Variants in DENND1A observed in about 807,000 individuals in gnomAD.
DENND1A encodes DENN domain containing 1A.
In DENND1A, 51 loss-of-function variants were observed where a neutral mutation model predicts 113.7. The ratio of observed to expected loss-of-function variants is 0.45; its 90% CI spans 0.36 to 0.57. DENND1A has a LOEUF of 0.57. DENND1A is among the 20% of genes least tolerant of loss of function. The pLI is 0.00. For missense variants in DENND1A, 1,258 were observed against 1,395.9 expected (o/e 0.90, Z 1.57); for synonymous variants, 565 against 570.8 (o/e 0.99, Z 0.14).
intron 5 of DENND1A, among the ~76,000 whole-genome samples, chr9:123,698,564 T>A (rs940658712): frequency 6.6e-6 from 1 of 152,232 alleles, no homozygotes; most frequent in Admixed American, 6.5e-5. Flanking sequence ...ACCAACATTA[T>A]ATAATTTCAT....
chr9:123,621,831 G>A (rs530075906), intron 10 of DENND1A, among the ~76,000 whole-genome samples: 5 of 152,326 alleles, frequency 3.3e-5, no homozygotes, highest in South Asian at 2.1e-4. Flanking sequence ...TGGAATCGAC[G>A]CAGATCTGAT....
intron 13 of DENND1A, among the ~76,000 whole-genome samples, chr9:123,465,787 T>C (rs925322464): frequency 6.6e-6 from 1 of 152,206 alleles, no homozygotes; most frequent in African/African-American, 2.4e-5. Flanking sequence ...AAATGTACTA[T>C]TTAATGTCAT....
chr9:123,668,770 T>G (rs1354542610), intron 7 of DENND1A, among the ~76,000 whole-genome samples: 3 of 152,216 alleles, frequency 2.0e-5, no homozygotes, highest in African/African-American at 7.2e-5. Context: ...TGTGTGTATA[T>G]CAAAATACTA....
chr9:123,456,169 T>C (rs907410764), intron 15 of DENND1A, among the ~76,000 whole-genome samples: 34 of 151,166 alleles, frequency 2.2e-4, no homozygotes, highest in Non-Finnish European at 1.5e-5. Context: ...TGTTTATAGG[T>C]GTATACTGTG....
intron 13 of DENND1A, among the ~76,000 whole-genome samples, chr9:123,547,356 C>G (rs2135778460): frequency 6.6e-6 from 1 of 152,288 alleles, no homozygotes; most frequent in East Asian, 1.9e-4. Flanking sequence ...AGGGAGAAAC[C>G]CTGTTTCTAC....
chr9:123,791,321 T>C (rs1261318857), intron 3 of DENND1A, among the ~76,000 whole-genome samples: 7 of 152,160 alleles, frequency 4.6e-5, no homozygotes, highest in Admixed American at 4.6e-4. Context: ...GGTCCTATAA[T>C]CCTTGGATTG....
intron 13 of DENND1A, among the ~76,000 whole-genome samples, chr9:123,549,474 C>T (rs2056911944): frequency 6.6e-6 from 1 of 152,120 alleles, no homozygotes; most frequent in Non-Finnish European, 1.5e-5. Context: ...CACCGCGAGG[C>T]TGAGTCAACC....
chr9:123,381,435 C>T lies in DENND1A; in HGVS notation c.3210G>A (p.Glu1070=). ...TCCCCCACCCTCAGGGCCCGGCTCA[C>T]TCGAAGGTCTCCCACTGCTTCCTGA... ...EQLRKQWETF[E] Residue 1070 remains glutamate (E), a synonymous_variant, in exon 24 of 24, where the codon GAG becomes GAA. Transcript: ENST00000394215. The surrounding 1 kb of genome is among the most constrained non-coding windows in gnomAD (Gnocchi z 4.7). 6 of 1,613,026 alleles carry T rather than the reference C, an allele frequency of 3.7e-6. No individual in the cohort carries two copies. The highest frequency in any genetic ancestry group is 5.1e-6 in the Non-Finnish European group (6 of 1,179,928).
chr9:123,479,218 G>A (rs2050144967), intron 13 of DENND1A, among the ~76,000 whole-genome samples: 2 of 152,208 alleles, frequency 1.3e-5, no homozygotes, highest in South Asian at 2.1e-4. Flanking sequence ...ACATGTCTGA[G>A]TCTAAAGTCT....
At chr9:123,514,730 T>A (rs2053755335) in intron 13 of DENND1A, among the ~76,000 whole-genome samples, 1 of 152,174 alleles carries the variant, frequency 6.6e-6, no homozygotes, top group Non-Finnish European at 1.5e-5. Flanking sequence ...GGAAGATGGA[T>A]ACAGAAACAG....
intron 9 of DENND1A, among the ~76,000 whole-genome samples, chr9:123,647,752 C>A (rs558576146): frequency 6.6e-6 from 1 of 152,268 alleles, no homozygotes; most frequent in Admixed American, 6.5e-5. Context: ...TTTCATTGAT[C>A]CGATCGATAT....
rs551612096 is a variant in DENND1A, at chr9:123,440,773, CATTTTT to C, written c.1357-288_1357-283del. 3.5e-4 allele frequency among the ~76,000 whole-genome samples: 54 copies of C among 152,322 alleles called. 2 individuals are homozygous for C. The South Asian group carries it at 0.011, about 30-fold the overall frequency. On this transcript the variant is annotated intron_variant, in intron 18 of 23. Coordinates refer to ENST00000394215, the MANE Select transcript of DENND1A (RefSeq NM_001352964.2). ...TCCTACTCTCTTACACAGCCATTTT[CATTTTT>C]ATGTATTTACTTTGTCCACATGCAG... is the stretch of plus-strand genomic sequence containing the variant.
At chr9:123,793,269 A>G (rs1045805431) in intron 2 of DENND1A, among the ~76,000 whole-genome samples, 1 of 152,232 alleles carries the variant, frequency 6.6e-6, no homozygotes, top group African/African-American at 2.4e-5. Flanking sequence ...CTATACAAAT[A>G]CATGGCAGAA....
intron 1 of DENND1A, among the ~76,000 whole-genome samples, chr9:123,899,003 A>C (rs1172214393): frequency 6.6e-6 from 1 of 152,244 alleles, no homozygotes; most frequent in East Asian, 1.9e-4. Context: ...CTGACTTCCC[A>C]ACAGCATTCT....
At chr9:123,908,617 T>G (rs1446757780) in intron 1 of DENND1A, among the ~76,000 whole-genome samples, 1 of 151,014 alleles carries the variant, frequency 6.6e-6, no homozygotes, top group Non-Finnish European at 1.5e-5. Context: ...TCACTGGCCA[T>G]CAGAGAAATG....
intron 13 of DENND1A, among the ~76,000 whole-genome samples, chr9:123,524,645 C>T (rs554486365): frequency 1.3e-5 from 2 of 152,326 alleles, no homozygotes; most frequent in African/African-American, 4.8e-5. Context: ...GGTAAAGTGG[C>T]AGATGAACCA....
At chr9:123,605,612 GAGA>G (rs1247164992) in intron 11 of DENND1A, among the ~76,000 whole-genome samples, 1 of 152,226 alleles carries the variant, frequency 6.6e-6, no homozygotes. Context: ...CAGAAGGAGA[GAGA>G]AGAATGGCGA....
intron 2 of DENND1A, among the ~76,000 whole-genome samples, chr9:123,821,471 C>T (rs1432720981): frequency 6.6e-6 from 1 of 152,160 alleles, no homozygotes; most frequent in Non-Finnish European, 1.5e-5. Context: ...CTAACAGAAA[C>T]CAGTTGTAAG....
chr9:123,513,196 G>C (rs1413057580), intron 13 of DENND1A, among the ~76,000 whole-genome samples: 4 of 152,162 alleles, frequency 2.6e-5, no homozygotes, highest in Admixed American at 6.5e-5. Flanking sequence ...GATTCTCAGG[G>C]CAGCCCGGTC....
Sources: allele counts gnomAD v4.1 joint callset (sites outside exome capture counted in the v4.1 genomes callset), GRCh38; gene constraint gnomAD v4.1.1; non-coding constraint Gnocchi (gnomAD v3.1); transcripts MANE v1.5; gene names NCBI Gene and HGNC (gene_info 2026-07-23, HGNC 2026-07-21).